The following TMTC2 variants were observed in gnomAD, a reference collection of about 807,000 sequenced individuals.
The protein encoded by TMTC2 is protein O-mannosyl-transferase TMTC2.
TMTC2 carries 43 observed loss-of-function variants against 82.4 expected under a neutral mutation model. That is an observed-to-expected ratio of 0.52 (90% CI 0.41 to 0.67). The LOEUF is 0.67. Among genes scored for constraint, TMTC2 ranks in the 30% least tolerant of loss-of-function variants. The pLI is 0.00. For missense variants in TMTC2, 919 were observed against 1,012.4 expected (o/e 0.91, Z 1.25); for synonymous variants, 408 against 381.9 (o/e 1.07, Z -0.80).
At chr12:82,875,899 T>TAAAA (rs781413116) in intron 2 of TMTC2, among the ~76,000 whole-genome samples, 8 of 113,466 alleles carry the variant, frequency 7.1e-5, no homozygotes, top group South Asian at 2.8e-4. Context: ...AGCTCACGCT[T>TAAAA]AAAAAAAAAA....
intron 9 of TMTC2, among the ~76,000 whole-genome samples, chr12:83,032,425 A>T (rs1881477685): frequency 1.3e-5 from 2 of 151,626 alleles, no homozygotes; most frequent in Non-Finnish European, 2.9e-5. Context: ...TATAAAAAAA[A>T]GTATTGTGAG....
At chr12:83,128,422 T>G (rs1592512869) in intron 11 of TMTC2, among the ~76,000 whole-genome samples, 1 of 152,168 alleles carries the variant, frequency 6.6e-6, no homozygotes, top group East Asian at 1.9e-4. Flanking sequence ...AAAAAAAGAT[T>G]ATTTGAACAT....
At chr12:82,758,851 A>C (rs577820945) in intron 1 of TMTC2, 6 of 152,198 alleles carry the variant, frequency 3.9e-5, no homozygotes, top group Non-Finnish European at 8.8e-5. Flanking sequence ...TTTGTTAAAC[A>C]TTTTATATGA....
At chr12:82,917,727 C>G (rs1014498405) in intron 3 of TMTC2, among the ~76,000 whole-genome samples, 2 of 151,600 alleles carry the variant, frequency 1.3e-5, no homozygotes, top group Non-Finnish European at 1.5e-5. Context: ...TCAGCCTCCC[C>G]AGTAGCTGGG....
chr12:83,063,978 T>G (rs1034613856), intron 11 of TMTC2, among the ~76,000 whole-genome samples: 7 of 150,888 alleles, frequency 4.6e-5, no homozygotes, highest in African/African-American at 1.7e-4. Context: ...AAGGGTTGAA[T>G]TTGAAGTCTT....
At chr12:83,002,386 T>G (rs1383385799) in intron 8 of TMTC2, among the ~76,000 whole-genome samples, 2 of 152,202 alleles carry the variant, frequency 1.3e-5, no homozygotes, top group African/African-American at 4.8e-5. Context: ...ACTTTGTTTA[T>G]TCTTTCAAAA....
At chr12:82,782,014 C>T (rs1877935469) in intron 1 of TMTC2, among the ~76,000 whole-genome samples, 1 of 151,992 alleles carries the variant, frequency 6.6e-6, no homozygotes, top group African/African-American at 2.4e-5. Context: ...TTGAAGACCT[C>T]CCCCATCCGC....
chr12:82,790,792 A>C (rs568401393), intron 1 of TMTC2, among the ~76,000 whole-genome samples: 1 of 150,220 alleles, frequency 6.7e-6, no homozygotes, highest in Admixed American at 6.7e-5. Flanking sequence ...GCGCCTTTGC[A>C]CTCCAGCCTG....
chr12:82,729,214 T>A (rs1178479767), intron 1 of TMTC2, among the ~76,000 whole-genome samples: 1 of 152,182 alleles, frequency 6.6e-6, no homozygotes, highest in African/African-American at 2.4e-5. Flanking sequence ...GGAGAACCTT[T>A]ATGTCTAGCT....
At chr12:83,056,623 C>G (rs1592720144) in intron 10 of TMTC2, among the ~76,000 whole-genome samples, 2 of 151,946 alleles carry the variant, frequency 1.3e-5, no homozygotes, top group Non-Finnish European at 2.9e-5. Flanking sequence ...GTGTGTGTAT[C>G]TTGGGGATGT....
At chr12:83,075,914 G>C (rs1355374607) in intron 11 of TMTC2, among the ~76,000 whole-genome samples, 1 of 152,140 alleles carries the variant, frequency 6.6e-6, no homozygotes, top group Non-Finnish European at 1.5e-5. Context: ...TAATTGCTTT[G>C]TGTTGTACTT....
intron 11 of TMTC2, among the ~76,000 whole-genome samples, chr12:83,113,702 C>T (rs1308979396): frequency 1.3e-5 from 2 of 152,172 alleles, no homozygotes; most frequent in African/African-American, 2.4e-5. Flanking sequence ...GTGAAGACCT[C>T]GCATCATTAT....
intron 1 of TMTC2, among the ~76,000 whole-genome samples, chr12:82,806,402 T>TA (rs1283792928): frequency 6.6e-6 from 1 of 152,162 alleles, no homozygotes; most frequent in East Asian, 1.9e-4. Context: ...AAGAATCAGA[T>TA]ACAGTATTTG....
chr12:82,833,241 A>G (rs909589671), intron 1 of TMTC2, among the ~76,000 whole-genome samples: 2 of 152,222 alleles, frequency 1.3e-5, no homozygotes, highest in Admixed American at 1.3e-4. Context: ...TAATAAACCA[A>G]TAAAACCAGC....
Position 83,133,562 on chromosome 12 carries a change from A to G in TMTC2, c.*1173A>G, listed in dbSNP as rs749147610. 2.0e-5 allele frequency: 3 copies of G among 152,208 alleles called. No homozygotes were observed. Among genetic ancestry groups the G allele is most frequent in the Non-Finnish European group, 2.9e-5 (2 of 68,044 alleles). 9.4% of individuals were successfully genotyped at this position (152,208 alleles called of 1,614,324 possible). A position where few individuals can be genotyped will look rare whatever the true frequency, so the allele number is the denominator to read the frequency against. ...GTGTAGCATTAGCCTGCATGTTTCT[A>G]GGTCTTCTGCCAAGTGCTTTTCTCA... On this transcript the variant is annotated 3_prime_UTR_variant, in exon 12 of 12. Transcript: ENST00000321196.
intron 3 of TMTC2, among the ~76,000 whole-genome samples, chr12:82,905,434 T>A (rs1874241384): frequency 6.6e-6 from 1 of 152,254 alleles, no homozygotes; most frequent in South Asian, 2.1e-4. Context: ...TGAAAGCAAT[T>A]TCTTAAATAG....
intron 1 of TMTC2, among the ~76,000 whole-genome samples, chr12:82,775,455 G>T (rs10083084): frequency 0.18 from 27,544 of 151,672 alleles, 3,037 homozygotes; most frequent in Middle Eastern, 0.34. Flanking sequence ...GTCTCCAGGG[G>T]GGCGGGCGGG....
chr12:83,123,244 G>C (rs761082517), intron 11 of TMTC2, among the ~76,000 whole-genome samples: 6 of 152,206 alleles, frequency 3.9e-5, no homozygotes, highest in Non-Finnish European at 7.3e-5. Context: ...CAAATTGAAA[G>C]TACTCCCTTT....
chr12:82,907,186 G>A (rs779030060), intron 3 of TMTC2, among the ~76,000 whole-genome samples: 6 of 152,070 alleles, frequency 3.9e-5, no homozygotes, highest in East Asian at 1.9e-4. Flanking sequence ...AATTGGGGCC[G>A]GGCGTGGTGG....
Sources: gnomAD v4.1 joint callset for allele counts (sites outside exome capture counted in the v4.1 genomes callset) on GRCh38, gnomAD v4.1.1 for gene constraint, MANE v1.5 for transcripts, NCBI Gene and HGNC (gene_info 2026-07-23, HGNC 2026-07-21) for gene names.